The following LTBP1 variants were observed in gnomAD, a reference collection of about 807,000 sequenced individuals.
LTBP1 encodes latent transforming growth factor beta binding protein 1.
A neutral mutation model predicts 207.6 loss-of-function variants in LTBP1; 129 were observed. That is an observed-to-expected ratio of 0.62 (90% CI 0.54 to 0.72). LTBP1 has a LOEUF of 0.72. LTBP1 is among the 30% of genes least tolerant of loss of function. LTBP1 has a pLI of 0.00. For synonymous variants in LTBP1, 963 were observed against 833.7 expected (o/e 1.16, Z -2.67); for missense variants, 2,281 against 2,217.2 (o/e 1.03, Z -0.58).
intron 5 of LTBP1, among the ~76,000 whole-genome samples, chr2:33,184,786 T>TTG (rs1003200690): frequency 1.3e-5 from 2 of 151,984 alleles, no homozygotes; most frequent in African/African-American, 4.8e-5. Context: ...TTTCTGTTTT[T>TTG]TTTTTTTTTT....
At chr2:33,337,040 CA>C (rs2094561120) in intron 24 of LTBP1, among the ~76,000 whole-genome samples, 2 of 152,168 alleles carry the variant, frequency 1.3e-5, no homozygotes, top group Admixed American at 6.5e-5. Context: ...GGTTCTTAAA[CA>C]AGATTTACAT....
chr2:33,074,352 C>T (rs1281818488), intron 3 of LTBP1, among the ~76,000 whole-genome samples: 5 of 152,140 alleles, frequency 3.3e-5, no homozygotes, highest in African/African-American at 1.2e-4. Flanking sequence ...TTCACTTCTT[C>T]CTCTAGCAGT....
intron 7 of LTBP1, among the ~76,000 whole-genome samples, chr2:33,199,884 A>G (rs1244390347): frequency 1.4e-4 from 21 of 152,240 alleles, no homozygotes; most frequent in Admixed American, 1.4e-3. Flanking sequence ...AATTGCTTCC[A>G]AGATAATAAA....
At chr2:32,987,906 A>G (rs1213161238) in intron 2 of LTBP1, among the ~76,000 whole-genome samples, 6 of 152,252 alleles carry the variant, frequency 3.9e-5, no homozygotes, top group Non-Finnish European at 7.3e-5. Context: ...GATTAGGTTA[A>G]GGATCCTGAG....
At chr2:33,107,406 T>G (rs1269904996) in intron 3 of LTBP1, among the ~76,000 whole-genome samples, 3 of 152,220 alleles carry the variant, frequency 2.0e-5, no homozygotes, top group Non-Finnish European at 4.4e-5. Flanking sequence ...ATGTCTCTTG[T>G]GTGTTTATTA....
chr2:33,122,811 G>C (rs1467981934), intron 4 of LTBP1, among the ~76,000 whole-genome samples: 1 of 150,378 alleles, frequency 6.6e-6, no homozygotes, highest in African/African-American at 2.5e-5. Flanking sequence ...TATATGGCCA[G>C]CTGGTTCTGC....
intron 9 of LTBP1, among the ~76,000 whole-genome samples, chr2:33,237,977 A>G (rs1029421903): frequency 1.5e-4 from 23 of 152,294 alleles, no homozygotes; most frequent in African/African-American, 5.3e-4. Context: ...TGTGTACCCT[A>G]TAGAATATCT....
At chr2:33,208,610 G>C (rs1003974882) in intron 7 of LTBP1, among the ~76,000 whole-genome samples, 2 of 152,138 alleles carry the variant, frequency 1.3e-5, no homozygotes, top group African/African-American at 4.8e-5. Context: ...GGCAGGCAGG[G>C]GGCACCTGAG....
chr2:33,129,086 G>A (rs2081607828), intron 4 of LTBP1, among the ~76,000 whole-genome samples: 1 of 152,170 alleles, frequency 6.6e-6, no homozygotes, highest in African/African-American at 2.4e-5. Flanking sequence ...GGAGACACCT[G>A]GAACAGCCTG....
At chr2:33,314,134 A>G (rs1372341647) in intron 23 of LTBP1, among the ~76,000 whole-genome samples, 1 of 152,194 alleles carries the variant, frequency 6.6e-6, no homozygotes, top group South Asian at 2.1e-4. Flanking sequence ...TGATCTGTTC[A>G]TGAGTCTTCT....
At chr2:33,199,970 A>C (rs1023736398) in intron 7 of LTBP1, among the ~76,000 whole-genome samples, 1 of 152,182 alleles carries the variant, frequency 6.6e-6, no homozygotes, top group African/African-American at 2.4e-5. Flanking sequence ...TCAATGAAAT[A>C]AAAGAGGATA....
At position 33,361,397 on chromosome 2, in the gene LTBP1, C is replaced by CTTT. The variant is rs11442294; in HGVS notation, c.4184-20_4184-18dup. On this transcript the variant is annotated intron_variant, in intron 27 of 33. Coordinates refer to ENST00000404816, the MANE Select transcript of LTBP1 (RefSeq NM_206943.4). ...CATGCATTCATGGAAGATGTTGAATCTTTTTTTTTTTTTTGTCTCTTCTAA... is the reference window on the plus strand; with the variant it reads ...CATGCATTCATGGAAGATGTTGAATCTTTTTTTTTTTTTTTTTGTCTCTTCTAA... 1,058 of 1,023,726 alleles carry CTTT rather than the reference C, an allele frequency of 1.0e-3. 4 individuals carry two copies. The highest frequency in any genetic ancestry group is 1.7e-3 in the South Asian group (97 of 58,694). The allele number at this position is 1,023,726 out of a possible 1,614,324, so 63.4% of individuals were successfully genotyped here. A position where few individuals can be genotyped will look rare whatever the true frequency, so the allele number is the denominator to read the frequency against.
intron 5 of LTBP1, among the ~76,000 whole-genome samples, chr2:33,153,978 A>G (rs1413686975): frequency 6.6e-6 from 1 of 152,086 alleles, no homozygotes; most frequent in African/African-American, 2.4e-5. Context: ...AAGGTGGTTT[A>G]TGTTCCTCTA....
chr2:33,286,560 C>G (rs145693455), intron 19 of LTBP1, among the ~76,000 whole-genome samples: 147 of 152,292 alleles, frequency 9.7e-4, no homozygotes, highest in African/African-American at 3.4e-3. Flanking sequence ...CAAACATTAG[C>G]TTTATCCCTA....
intron 2 of LTBP1, among the ~76,000 whole-genome samples, chr2:33,008,238 A>G (rs929952604): frequency 2.2e-4 from 33 of 152,236 alleles, no homozygotes; most frequent in African/African-American, 7.7e-4. Flanking sequence ...AACCACTAAT[A>G]GTATGTTAAG....
intron 26 of LTBP1, among the ~76,000 whole-genome samples, chr2:33,356,148 C>T (rs1039914461): frequency 6.6e-6 from 1 of 151,670 alleles, no homozygotes; most frequent in Non-Finnish European, 1.5e-5. Flanking sequence ...AGATCCATCT[C>T]CCTGATGGAC....
intron 24 of LTBP1, among the ~76,000 whole-genome samples, chr2:33,330,023 C>G (rs2094475767): frequency 6.6e-6 from 1 of 152,012 alleles, no homozygotes; most frequent in South Asian, 2.1e-4. Flanking sequence ...CAACACACCC[C>G]TTTATTAGGG....
At chr2:33,275,528 T>C (rs2093407495) in intron 17 of LTBP1, among the ~76,000 whole-genome samples, 1 of 152,054 alleles carries the variant, frequency 6.6e-6, no homozygotes, top group East Asian at 1.9e-4. Context: ...CTACTAAAAA[T>C]ACAGAATTAG....
intron 26 of LTBP1, 45 bp downstream of exon 26, chr2:33,347,555 A>G (rs2094720908): frequency 1.9e-5 from 31 of 1,610,480 alleles, no homozygotes; most frequent in Non-Finnish European, 2.6e-5. Flanking sequence ...GGCTCCTCTC[A>G]AAGACCTGCA....
Sources: gnomAD v4.1 joint callset for allele counts (sites outside exome capture counted in the v4.1 genomes callset) on GRCh38, gnomAD v4.1.1 for gene constraint, MANE v1.5 for transcripts, NCBI Gene and HGNC (gene_info 2026-07-23, HGNC 2026-07-21) for gene names.